Variants in TXNDC16 observed in about 807,000 individuals in gnomAD.
The protein encoded by TXNDC16 is thioredoxin domain-containing protein 16.
Under a neutral mutation model 85.6 loss-of-function variants are expected in TXNDC16, and 74 were observed. The observed-to-expected ratio is 0.86, with a 90% confidence interval of 0.72 to 1.05. The LOEUF (loss-of-function observed/expected upper bound fraction) is 1.05, where lower values mean the gene tolerates loss of function less well. TXNDC16 is among the 50% of genes least tolerant of loss of function. TXNDC16 has a pLI of 0.00. For missense variants in TXNDC16, 959 were observed against 947.0 expected (o/e 1.01, Z -0.17); for synonymous variants, 335 against 326.5 (o/e 1.03, Z -0.28).
At chr14:52,475,049 G>C (rs2035989911) in intron 14 of TXNDC16, among the ~76,000 whole-genome samples, 1 of 152,168 alleles carries the variant, frequency 6.6e-6, no homozygotes, top group Non-Finnish European at 1.5e-5. Flanking sequence ...CCCACCACCG[G>C]GGAACCTAAA....
At chr14:52,506,801 C>T (rs1163713532) in intron 9 of TXNDC16, among the ~76,000 whole-genome samples, 1 of 144,282 alleles carries the variant, frequency 6.9e-6, no homozygotes, top group Non-Finnish European at 1.5e-5. Flanking sequence ...CATGATCCAC[C>T]CGCCTCGGCC....
At chr14:52,478,817 C>A (rs1405166170) in intron 14 of TXNDC16, among the ~76,000 whole-genome samples, 2 of 151,972 alleles carry the variant, frequency 1.3e-5, no homozygotes, top group African/African-American at 4.8e-5. Context: ...CATCCTATGA[C>A]ACCAGTATCA....
intron 13 of TXNDC16, 43 bp from the exon 14 acceptor site, chr14:52,482,332 TA>T (rs776309917): frequency 1.3e-6 from 2 of 1,517,056 alleles, no homozygotes; most frequent in African/African-American, 2.7e-5. Context: ...CATGTATATC[TA>T]CAAAGCATCC....
chr14:52,519,200 G>A lies in TXNDC16; in HGVS notation c.486C>T (p.Phe162=). Reference sequence around the variant, plus strand: ...GTATTCCAATGGCTCTTACATATGAGAATATAATATTTGCTTTTCCTTTCA... The same window carrying A: ...GTATTCCAATGGCTCTTACATATGAAAATATAATATTTGCTTTTCCTTTCA... ...NALKGKANII[F]SYVRAIGIPE... Residue 162 remains phenylalanine (F), a synonymous_variant, in exon 7 of 21, where the codon TTC becomes TTT. Transcript: ENST00000281741. 2.5e-6 allele frequency: 4 copies of A among 1,611,736 alleles called. No homozygotes were observed. In the South Asian group the frequency reaches 3.3e-5, roughly 13 times the overall value.
At chr14:52,474,149 G>C (rs1220288275) in intron 14 of TXNDC16, among the ~76,000 whole-genome samples, 1 of 152,116 alleles carries the variant, frequency 6.6e-6, no homozygotes, top group East Asian at 1.9e-4. Flanking sequence ...TGCATTGAGG[G>C]GGCAGGTAGT....
chr14:52,508,563 T>C (rs891519759), intron 9 of TXNDC16, among the ~76,000 whole-genome samples: 7 of 152,316 alleles, frequency 4.6e-5, no homozygotes, highest in African/African-American at 1.7e-4. Flanking sequence ...ATCCCATTAC[T>C]GGGTATATAC....
chr14:52,457,220 T>C (rs539610543), intron 16 of TXNDC16, 46 bp from the exon 17 acceptor site: 9 of 1,104,212 alleles, frequency 8.2e-6, no homozygotes, highest in Admixed American at 2.4e-5. Flanking sequence ...TTTATAATTA[T>C]GTATGCTATT....
chr14:52,481,974 T>G (rs753393246), intron 14 of TXNDC16, among the ~76,000 whole-genome samples: 1 of 152,122 alleles, frequency 6.6e-6, no homozygotes, highest in Non-Finnish European at 1.5e-5. Context: ...CCAAAAAGGT[T>G]GTTGTATTAA....
chr14:52,476,176 C>G (rs565776995), intron 14 of TXNDC16, among the ~76,000 whole-genome samples: 1 of 152,094 alleles, frequency 6.6e-6, no homozygotes, highest in African/African-American at 2.4e-5. Context: ...AGGAACTGAA[C>G]AACAGCCTTG....
In TXNDC16 at chr14:52,440,661, A is replaced by G. The variant is rs2035143988; in HGVS notation, c.1906T>C (p.Phe636Leu). ...TGAGGATTTACAGTGCCATCACTGA[A>G]CAAAATCAATAATGGTTTCTGAAGT... ...FRLQKPLLIL[F>L]SDGTVNPQYK... Residue 636 changes from phenylalanine to leucine, a missense_variant, in exon 19 of 21, where the codon TTC (phenylalanine) becomes CTC (leucine). Physicochemically the swap from Phe to Leu is conservative, Grantham distance 22. Coordinates refer to ENST00000281741, the MANE Select transcript of TXNDC16 (RefSeq NM_020784.3). 1 of 1,610,878 alleles carries G rather than the reference A, an allele frequency of 6.2e-7. No homozygotes were observed. Among genetic ancestry groups the G allele is most frequent in the South Asian group, 1.1e-5 (1 of 90,282 alleles).
At chr14:52,505,806 C>A (rs1415238579) in intron 9 of TXNDC16, among the ~76,000 whole-genome samples, 3 of 151,898 alleles carry the variant, frequency 2.0e-5, no homozygotes, top group Non-Finnish European at 2.9e-5. Flanking sequence ...AAAAGATCAA[C>A]AAAACTGATA....
intron 6 of TXNDC16, among the ~76,000 whole-genome samples, chr14:52,525,653 G>A (rs113171026): frequency 5.3e-5 from 8 of 150,318 alleles, no homozygotes; most frequent in African/African-American, 9.8e-5. Context: ...AGCCAAGATC[G>A]CACCACTGCA....
chr14:52,530,293 T>TTTA (rs2037487090), intron 6 of TXNDC16, among the ~76,000 whole-genome samples: 2 of 63,596 alleles, frequency 3.1e-5, no homozygotes, highest in African/African-American at 1.3e-4. Flanking sequence ...ATAATTATTA[T>TTTA]ATATAATATT....
intron 14 of TXNDC16, among the ~76,000 whole-genome samples, chr14:52,478,084 G>C (rs1226157676): frequency 6.6e-6 from 1 of 151,968 alleles, no homozygotes; most frequent in Non-Finnish European, 1.5e-5. Context: ...ATGATCGTTG[G>C]GTCAAAAATG....
intron 5 of TXNDC16, 124 bp downstream of exon 5, chr14:52,537,475 T>C: frequency 2.9e-6 from 2 of 701,748 alleles, no homozygotes; most frequent in Admixed American, 2.8e-5. Flanking sequence ...CTTGGACTTT[T>C]GGTTAAGCTT....
intron 9 of TXNDC16, among the ~76,000 whole-genome samples, chr14:52,506,828 T>A (rs1350934921): frequency 3.5e-5 from 5 of 144,298 alleles, no homozygotes; most frequent in African/African-American, 1.3e-4. Context: ...AGTGCTGGGA[T>A]TACAGGCGTG....
chr14:52,502,719 C>T (rs987756150), intron 9 of TXNDC16, among the ~76,000 whole-genome samples: 1 of 152,154 alleles, frequency 6.6e-6, no homozygotes, highest in Admixed American at 6.5e-5. Context: ...GATTGTCAAA[C>T]AGTGGGTGCA....
chr14:52,520,290 T>A (rs1039831442), intron 6 of TXNDC16, among the ~76,000 whole-genome samples: 1 of 152,242 alleles, frequency 6.6e-6, no homozygotes, highest in Non-Finnish European at 1.5e-5. Flanking sequence ...TAAATCAGAC[T>A]GATCATATTT....
chr14:52,551,947 AGCTTCCCCCT>A (rs145333123), intron 1 of TXNDC16, among the ~76,000 whole-genome samples: 17,944 of 152,176 alleles, frequency 0.12, 1,232 homozygotes, highest in Non-Finnish European at 0.15. Context: ...TGAAAGAACC[AGCTTCCCCCT>A]GCTCACAGAT....
Sources: allele counts gnomAD v4.1 joint callset (sites outside exome capture counted in the v4.1 genomes callset), GRCh38; gene constraint gnomAD v4.1.1; transcripts MANE v1.5; gene names NCBI Gene and HGNC (gene_info 2026-07-23, HGNC 2026-07-21).